BBOX1: variants seen among roughly 807,000 people sequenced by gnomAD.
BBOX1 encodes gamma-butyrobetaine dioxygenase.
A neutral mutation model predicts 41.6 loss-of-function variants in BBOX1; 35 were observed. The ratio of observed to expected loss-of-function variants is 0.84; its 90% CI spans 0.64 to 1.11. BBOX1 has a LOEUF of 1.11. Ranked by LOEUF, BBOX1 falls within the 50% of genes most tolerant of loss-of-function variation. The pLI is 0.00. For synonymous variants in BBOX1, 163 were observed against 154.7 expected, an observed-to-expected ratio of 1.05 and a Z score of -0.40; for missense variants, 458 against 460.6, an observed-to-expected ratio of 0.99 and a Z score of 0.05.
chr11:27,077,408 C>G (rs949100841), intron 4 of BBOX1, among the ~76,000 whole-genome samples: 1 of 152,092 alleles, frequency 6.6e-6, no homozygotes, highest in African/African-American at 2.4e-5. Context: ...TATCTGCCCT[C>G]GCACTCTGGG....
chr11:27,125,671 A>G lies in BBOX1; in HGVS notation c.854A>G (p.Gln285Arg). 6.4e-7 allele frequency: 1 copy of G among 1,574,504 alleles called. No homozygotes were observed. The highest frequency in any genetic ancestry group is 8.6e-7 in the Non-Finnish European group (1 of 1,159,698). Residue 285 changes from glutamine (Q) to arginine (R), a missense_variant, in exon 8 of 9, where the codon CAA (glutamine) becomes CGA (arginine). Physicochemically the swap from Gln to Arg is conservative, Grantham distance 43 (BLOSUM62 1). Coordinates refer to ENST00000263182, the MANE Select transcript of BBOX1 (RefSeq NM_003986.3). ...TAAAACAGGTTAGATGATAAAGGCCAAGTGGTTCGCATCAACTTCAATAAC... is the reference window on the plus strand; with the variant it reads ...TAAAACAGGTTAGATGATAAAGGCCGAGTGGTTCGCATCAACTTCAATAAC... ...HKIIELDDKGQVVRINFNNAT... is the reference protein window; with the variant it reads ...HKIIELDDKGRVVRINFNNAT...
chr11:27,127,185 A>T (rs1410764447), intron 8 of BBOX1, 108 bp from the exon 9 acceptor site: 4 of 1,196,796 alleles, frequency 3.3e-6, no homozygotes, highest in Non-Finnish European at 4.7e-6. Flanking sequence ...ATAAGCGATG[A>T]TTCTTGATGT....
At chr11:27,116,815 C>CAGG (rs1416359361) in intron 6 of BBOX1, among the ~76,000 whole-genome samples, 1 of 151,972 alleles carries the variant, frequency 6.6e-6, no homozygotes, top group Non-Finnish European at 1.5e-5. Context: ...AGCCCACATT[C>CAGG]AGGAGGTGAG....
intron 5 of BBOX1, among the ~76,000 whole-genome samples, chr11:27,104,378 C>T: frequency 6.6e-6 from 1 of 152,128 alleles, no homozygotes. Flanking sequence ...TTGTCTCTAT[C>T]CCCTCCTATT....
intron 4 of BBOX1, among the ~76,000 whole-genome samples, chr11:27,088,126 T>C (rs1858108572): frequency 6.6e-6 from 1 of 152,012 alleles, no homozygotes; most frequent in South Asian, 2.1e-4. Context: ...AAAGCTCATA[T>C]AGAAACAAAA....
intron 4 of BBOX1, among the ~76,000 whole-genome samples, chr11:27,074,994 T>G (rs1208503935): frequency 6.6e-6 from 1 of 152,152 alleles, no homozygotes; most frequent in Non-Finnish European, 1.5e-5. Flanking sequence ...CATTCTGGGG[T>G]CCGGAGGACG....
At chr11:27,071,878 T>A (rs1271101146) in intron 4 of BBOX1, among the ~76,000 whole-genome samples, 3 of 152,154 alleles carry the variant, frequency 2.0e-5, no homozygotes, top group African/African-American at 7.2e-5. Context: ...CAGCCCTTCA[T>A]GCTAAAAACT....
intron 4 of BBOX1, among the ~76,000 whole-genome samples, chr11:27,092,037 C>T (rs886440991): frequency 3.3e-5 from 5 of 151,932 alleles, no homozygotes; most frequent in African/African-American, 9.7e-5. Context: ...GAAGTGGCTC[C>T]GTGCACCTGC....
chr11:27,120,856 T>C (rs1859433993), intron 7 of BBOX1, among the ~76,000 whole-genome samples: 1 of 152,118 alleles, frequency 6.6e-6, no homozygotes, highest in South Asian at 2.1e-4. Context: ...CAAATATTTA[T>C]TGAGGCCAGC....
Position 27,088,685 on chromosome 11 carries a change from C to A in BBOX1, c.335-4483C>A, listed in dbSNP as rs2134032246. 2.0e-5 allele frequency among the ~76,000 whole-genome samples: 3 copies of A among 152,076 alleles called. 1 individual carries two copies. The South Asian group carries it at 6.2e-4, about 32-fold the overall frequency. Reference sequence around the variant, plus strand: ...CATAAAAATACCCATGATGATAGTACTTCAAGGCATCAAGTGTTTATTTTA... The same window carrying A: ...CATAAAAATACCCATGATGATAGTAATTCAAGGCATCAAGTGTTTATTTTA... On this transcript the variant is annotated intron_variant, in intron 4 of 8. Coordinates refer to ENST00000263182, the MANE Select transcript of BBOX1 (RefSeq NM_003986.3).
chr11:27,046,694 T>A (rs980058300), intron 2 of BBOX1, among the ~76,000 whole-genome samples: 1 of 152,158 alleles, frequency 6.6e-6, no homozygotes, highest in East Asian at 1.9e-4. Flanking sequence ...TAAAAATTCA[T>A]CCTATATAGC....
At chr11:27,102,972 C>T (rs760661442) in intron 5 of BBOX1, among the ~76,000 whole-genome samples, 10 of 152,012 alleles carry the variant, frequency 6.6e-5, no homozygotes, top group African/African-American at 1.2e-4. Flanking sequence ...AGGTGGATCA[C>T]GAGGTCAGGA....
intron 6 of BBOX1, among the ~76,000 whole-genome samples, chr11:27,117,641 TATC>T (rs1859314523): frequency 1.3e-5 from 2 of 152,020 alleles, no homozygotes; most frequent in South Asian, 4.1e-4. Context: ...ATTTTTAAAT[TATC>T]TTCTGTCTTT....
intron 5 of BBOX1, among the ~76,000 whole-genome samples, chr11:27,112,321 A>C (rs1859100081): frequency 6.6e-6 from 1 of 151,980 alleles, no homozygotes; most frequent in South Asian, 2.1e-4. Flanking sequence ...ATAGCTATAG[A>C]AGTCACAGTC....
At chr11:27,107,493 T>C (rs1320751252) in intron 5 of BBOX1, among the ~76,000 whole-genome samples, 1 of 152,072 alleles carries the variant, frequency 6.6e-6, no homozygotes, top group Non-Finnish European at 1.5e-5. Context: ...GTCTATACCA[T>C]TGGATTAAGA....
At chr11:27,100,303 T>G (rs1199323256) in intron 5 of BBOX1, among the ~76,000 whole-genome samples, 2 of 152,100 alleles carry the variant, frequency 1.3e-5, no homozygotes, top group African/African-American at 4.8e-5. Context: ...GTTTACCCAT[T>G]TGTTGATGTT....
intron 5 of BBOX1, among the ~76,000 whole-genome samples, chr11:27,108,893 C>T (rs567800793): frequency 2.0e-4 from 30 of 152,166 alleles, no homozygotes; most frequent in African/African-American, 7.2e-4. Flanking sequence ...CCTGCCACTG[C>T]CACCCTACTA....
chr11:27,112,727 A>G (rs1319363010), intron 5 of BBOX1, among the ~76,000 whole-genome samples: 1 of 152,020 alleles, frequency 6.6e-6, no homozygotes, highest in African/African-American at 2.4e-5. Context: ...AGGAAATACC[A>G]TTCTAGACAT....
intron 2 of BBOX1, among the ~76,000 whole-genome samples, chr11:27,044,709 G>T (rs1564948948): frequency 2.0e-5 from 3 of 152,096 alleles, no homozygotes; most frequent in African/African-American, 7.2e-5. Context: ...CCCATTGCTT[G>T]TTTTTGTCAG....
Sources: allele counts gnomAD v4.1 joint callset (sites outside exome capture counted in the v4.1 genomes callset), GRCh38; gene constraint gnomAD v4.1.1; transcripts MANE v1.5; gene names NCBI Gene and HGNC (gene_info 2026-07-23, HGNC 2026-07-21).